The following DOCK4 variants were observed in gnomAD, a reference collection of about 807,000 sequenced individuals.
DOCK4 encodes the protein dedicator of cytokinesis 4, also known as dedicator of cytokinesis protein 4.
Under a neutral mutation model 268.1 loss-of-function variants are expected in DOCK4, and 97 were observed. That is an observed-to-expected ratio of 0.36 (90% CI 0.31 to 0.43). The LOEUF (loss-of-function observed/expected upper bound fraction) is 0.43. Among genes scored for constraint, DOCK4 ranks in the 20% least tolerant of loss-of-function variants. The probability of loss-of-function intolerance (pLI) is 1.00; values close to 1 mark genes in which losing one functional copy is unlikely to be tolerated. For synonymous variants in DOCK4, 954 were observed against 887.2 expected (o/e 1.08, Z -1.34); for missense variants, 2,145 against 2,455.7 (o/e 0.87, Z 2.67).
Position 111,739,258 on chromosome 7 carries a change from A to G in DOCK4, c.5123-15T>C, listed in dbSNP as rs139512717. 4.8e-4 allele frequency: 775 copies of G among 1,609,904 alleles called. 8 individuals carry two copies. In the East Asian group the frequency reaches 0.014, roughly 30 times the overall value. ...CAAAGGAGAAGCTGGGAAGAGAAGG[A>G]GAGAGAGGATCATCAGCATGGTAGT... On this transcript the variant is annotated splice_polypyrimidine_tract_variant and intron_variant, in intron 48 of 52. Transcript: ENST00000428084.
At position 111,945,739 on chromosome 7, in the gene DOCK4, T is replaced by C. The variant is rs771772332; in HGVS notation, c.761A>G (p.Glu254Gly). ...NGLPKAPDKP[E>G]RHCSLFVDLG... ...CACCACAAAGAGGGAGCAATGTCGT[T>C]CCGGTTTATCAGGGGCTTTGGGAAG... is the stretch of plus-strand genomic sequence containing the variant. Residue 254 changes from glutamate (E) to glycine (G), a missense_variant, in exon 9 of 53, where the codon GAA becomes GGA. Transcript: ENST00000428084. 3 of 1,598,514 alleles carry C rather than the reference T, an allele frequency of 1.9e-6. No individual in the cohort carries two copies. Among genetic ancestry groups the C allele is most frequent in the Admixed American group, 3.4e-5 (2 of 58,088 alleles).
In DOCK4 at chr7:111,809,518, T is replaced by C. The variant is rs973806092; in HGVS notation, c.3007-117A>G. On this transcript the variant is annotated intron_variant, in intron 28 of 52. Coordinates refer to ENST00000428084, the MANE Select transcript of DOCK4 (RefSeq NM_001363540.2). ...GTTGAGGGTATAGTTGAAGTAAGAC[T>C]GACCATGAGTTGATAATAGTTGAAG... 5 of 751,310 alleles carry C rather than the reference T, an allele frequency of 6.7e-6. No homozygotes were observed. The African/African-American group carries it at 7.0e-5, about 10-fold the overall frequency. The allele number at this position is 751,310 out of a possible 1,614,324, so 46.5% of individuals were successfully genotyped here. A position where few individuals can be genotyped will look rare whatever the true frequency, so the allele number is the denominator to read the frequency against.
At chr7:112,002,938 C>G (rs1183302024) in intron 2 of DOCK4, among the ~76,000 whole-genome samples, 1 of 151,312 alleles carries the variant, frequency 6.6e-6, no homozygotes, top group African/African-American at 2.4e-5. Flanking sequence ...GTAATCCCAG[C>G]TATTCGGGAG....
intron 26 of DOCK4, among the ~76,000 whole-genome samples, chr7:111,828,544 T>TA (rs1040098464): frequency 8.5e-5 from 13 of 152,204 alleles, no homozygotes; most frequent in African/African-American, 2.9e-4. Context: ...ACATTAGGAA[T>TA]AAAAAACAAC....
intron 30 of DOCK4, among the ~76,000 whole-genome samples, chr7:111,802,242 T>C (rs979465085): frequency 6.6e-6 from 1 of 151,808 alleles, no homozygotes; most frequent in Non-Finnish European, 1.5e-5. Flanking sequence ...TCCTGGAAAT[T>C]GAGTGGGGGG....
intron 13 of DOCK4, among the ~76,000 whole-genome samples, chr7:111,912,206 C>T (rs2134498751): frequency 6.6e-6 from 1 of 152,314 alleles, no homozygotes; most frequent in African/African-American, 2.4e-5. Flanking sequence ...TTGTCAGATA[C>T]AACTTCCTTT....
At chr7:112,092,074 A>G (rs1809685257) in intron 1 of DOCK4, among the ~76,000 whole-genome samples, 1 of 152,126 alleles carries the variant, frequency 6.6e-6, no homozygotes, top group African/African-American at 2.4e-5. Flanking sequence ...CAAACCCAGG[A>G]CCACTTTCTC....
chr7:111,758,934 A>C, intron 40 of DOCK4, 144 bp from the exon 41 acceptor site: 1 of 728,576 alleles, frequency 1.4e-6, no homozygotes, highest in South Asian at 2.1e-5. Context: ...ATTACCAAGA[A>C]GACGCCAGGA....
At chr7:112,019,368 A>T (rs1802122548) in intron 1 of DOCK4, among the ~76,000 whole-genome samples, 1 of 152,198 alleles carries the variant, frequency 6.6e-6, no homozygotes, top group Non-Finnish European at 1.5e-5. Flanking sequence ...GACTGTAATT[A>T]AAAACTATCT....
At chr7:112,197,339 T>G (rs1395658534) in intron 1 of DOCK4, among the ~76,000 whole-genome samples, 2 of 152,158 alleles carry the variant, frequency 1.3e-5, no homozygotes, top group Admixed American at 6.5e-5. Context: ...GCTTTATATA[T>G]TGAAGCATTT....
intron 1 of DOCK4, among the ~76,000 whole-genome samples, chr7:112,141,919 C>T (rs1227637818): frequency 2.0e-5 from 3 of 152,140 alleles, no homozygotes; most frequent in Non-Finnish European, 4.4e-5. Flanking sequence ...TCCATTTGTT[C>T]AAGAGAGGCC....
At chr7:112,180,760 C>G (rs1422122217) in intron 1 of DOCK4, among the ~76,000 whole-genome samples, 1 of 152,196 alleles carries the variant, frequency 6.6e-6, no homozygotes, top group South Asian at 2.1e-4. Flanking sequence ...CACTGCTCCA[C>G]CACCTTAGGG....
At chr7:111,833,653 G>C (rs1803018906) in intron 26 of DOCK4, among the ~76,000 whole-genome samples, 1 of 152,058 alleles carries the variant, frequency 6.6e-6, no homozygotes, top group Admixed American at 6.6e-5. Flanking sequence ...TGTTTTATAT[G>C]ACTCAGCTTT....
chr7:111,903,362 G>A (rs1791300117), intron 13 of DOCK4, among the ~76,000 whole-genome samples: 1 of 152,114 alleles, frequency 6.6e-6, no homozygotes, highest in South Asian at 2.1e-4. Context: ...ACAATACAGA[G>A]GTCTCTGGCT....
At chr7:112,134,656 C>T (rs906526748) in intron 1 of DOCK4, among the ~76,000 whole-genome samples, 2 of 152,192 alleles carry the variant, frequency 1.3e-5, no homozygotes, top group African/African-American at 2.4e-5. Flanking sequence ...GCAGAGCTTG[C>T]AGTGAGCTGA....
At chr7:112,095,851 G>A (rs1409667908) in intron 1 of DOCK4, among the ~76,000 whole-genome samples, 1 of 152,152 alleles carries the variant, frequency 6.6e-6, no homozygotes, top group Non-Finnish European at 1.5e-5. Flanking sequence ...GGAGGCTGAG[G>A]CAGGCAGATC....
intron 36 of DOCK4, among the ~76,000 whole-genome samples, chr7:111,773,339 G>C (rs117431475): frequency 0.01 from 1,527 of 152,256 alleles, 16 homozygotes; most frequent in Non-Finnish European, 0.015. Flanking sequence ...TGTTACATGG[G>C]AAAAGAACTG....
intron 1 of DOCK4, among the ~76,000 whole-genome samples, chr7:112,079,441 T>C (rs996340674): frequency 2.0e-5 from 3 of 152,300 alleles, no homozygotes; most frequent in South Asian, 4.1e-4. Flanking sequence ...ATAACTTTAG[T>C]ACCAAGGCCA....
At chr7:111,946,354 G>C (rs1340691533) in intron 8 of DOCK4, among the ~76,000 whole-genome samples, 2 of 152,134 alleles carry the variant, frequency 1.3e-5, no homozygotes, top group Non-Finnish European at 2.9e-5. Context: ...CACTAAACTT[G>C]CATTTGAAAA....
Sources: gnomAD v4.1 joint callset for allele counts (sites outside exome capture counted in the v4.1 genomes callset) on GRCh38, gnomAD v4.1.1 for gene constraint, MANE v1.5 for transcripts, NCBI Gene and HGNC (gene_info 2026-07-23, HGNC 2026-07-21) for gene names.